RFTN1: variants seen among roughly 807,000 people sequenced by gnomAD.
The protein encoded by RFTN1 is raftlin.
Under a neutral mutation model 46.5 loss-of-function variants are expected in RFTN1, and 26 were observed. The ratio of observed to expected loss-of-function variants is 0.56; its 90% CI spans 0.41 to 0.78. RFTN1 has a LOEUF of 0.78. RFTN1 is among the 30% of genes least tolerant of loss of function. The pLI is 0.00. For synonymous variants in RFTN1, 261 were observed against 284.2 expected, an observed-to-expected ratio of 0.92 and a Z score of 0.82; for missense variants, 693 against 718.7, an observed-to-expected ratio of 0.96 and a Z score of 0.41.
At chr3:16,431,586 C>A (rs1227170858) in intron 3 of RFTN1, among the ~76,000 whole-genome samples, 1 of 152,038 alleles carries the variant, frequency 6.6e-6, no homozygotes, top group African/African-American at 2.4e-5. Context: ...GCAGATCACA[C>A]TGAAGGATGT....
chr3:16,491,233 G>A (rs1406951478), intron 2 of RFTN1, among the ~76,000 whole-genome samples: 1 of 152,098 alleles, frequency 6.6e-6, no homozygotes, highest in African/African-American at 2.4e-5. Flanking sequence ...GGGATCCTGG[G>A]GGAGGACTTC....
chr3:16,328,900 AAAT>A (rs1296657130), intron 7 of RFTN1, among the ~76,000 whole-genome samples: 2 of 152,238 alleles, frequency 1.3e-5, no homozygotes, highest in African/African-American at 4.8e-5. Flanking sequence ...CATGAGAAAA[AAAT>A]ATATATTTTT....
intron 2 of RFTN1, among the ~76,000 whole-genome samples, chr3:16,478,822 C>T (rs182694875): frequency 1.3e-5 from 2 of 152,344 alleles, no homozygotes; most frequent in East Asian, 1.9e-4. Context: ...CAGTTCCTTG[C>T]CACATGGGTC....
chr3:16,469,182 C>T (rs949147103), intron 2 of RFTN1, among the ~76,000 whole-genome samples: 4 of 152,234 alleles, frequency 2.6e-5, no homozygotes, highest in Admixed American at 6.5e-5. Flanking sequence ...ATCCTAGCTG[C>T]GCAACTCCCT....
At chr3:16,396,069 A>G (rs1233014164) in intron 4 of RFTN1, among the ~76,000 whole-genome samples, 1 of 152,190 alleles carries the variant, frequency 6.6e-6, no homozygotes, top group Non-Finnish European at 1.5e-5. Context: ...ATATACATAG[A>G]TGGTTCACTT....
Position 16,321,915 on chromosome 3 carries a change from C to T in RFTN1, c.1332+1461G>A, listed in dbSNP as rs1241093369. Among the ~76,000 whole-genome samples, 1 of 152,206 alleles carries T rather than the reference C, an allele frequency of 6.6e-6. No individual in the cohort carries two copies. The highest frequency in any genetic ancestry group is 2.4e-5 in the African/African-American group (1 of 41,446). ...GTCCCCCTGCATGCGATGCCATGAC[C>T]TTCACACCAACATCCAACCACATGT... On this transcript the variant is annotated intron_variant, in intron 9 of 9. Coordinates refer to ENST00000334133, the MANE Select transcript of RFTN1 (RefSeq NM_015150.2). The surrounding 1 kb of genome is among the most constrained non-coding windows in gnomAD (Gnocchi z 4.8).
chr3:16,317,235 A>G lies in RFTN1; in HGVS notation c.1333-3T>C. The stretch of plus-strand genomic sequence containing the variant: ...TCTCTGGAGAATCGCCACTGAAACT[A>G]GAAATCAGAAAGGATGGGGATAAAT... On this transcript the variant is annotated splice_region_variant and splice_polypyrimidine_tract_variant and intron_variant, in intron 9 of 9. Coordinates refer to ENST00000334133, the MANE Select transcript of RFTN1 (RefSeq NM_015150.2). The surrounding 1 kb of genome is among the most constrained non-coding windows in gnomAD (Gnocchi z 4.3). The G allele has an allele frequency of 3.7e-6, 6 of 1,611,318 alleles. No homozygotes were observed. Among genetic ancestry groups the G allele is most frequent in the Non-Finnish European group, 5.1e-6 (6 of 1,179,936 alleles).
At position 16,468,197 on chromosome 3, in the gene RFTN1, G is replaced by A. The variant is rs992042356; in HGVS notation, c.145+25528C>T. Among the ~76,000 whole-genome samples, 14 of 152,266 alleles carry A rather than the reference G, an allele frequency of 9.2e-5. No individual in the cohort carries two copies. The highest frequency in any genetic ancestry group is 1.9e-4 in the East Asian group (1 of 5,190). ...GCACACTTCACTCTCTAGAAATTCC[G>A]TCGGCTTAATTTATGTGGCTCATTC... is the stretch of plus-strand genomic sequence containing the variant. On this transcript the variant is annotated intron_variant, in intron 2 of 9. Transcript: ENST00000334133. The surrounding 1 kb of genome is among the most constrained non-coding windows in gnomAD (Gnocchi z 4.4).
rs1415203993 is a variant in RFTN1 at position 16,381,609 on chromosome 3, G to T, written c.442-3507C>A. ...AAACCTATTTGGGACCTACTCTGCA[G>T]AAGGCTTTGAAGGATGAATAAGAGT... On this transcript the variant is annotated intron_variant, in intron 4 of 9. Transcript: ENST00000334133. The surrounding 1 kb of genome is among the most constrained non-coding windows in gnomAD (Gnocchi z 4.2). Among the ~76,000 whole-genome samples, 1 of 152,126 alleles carries T rather than the reference G, an allele frequency of 6.6e-6. No homozygotes were observed. Among genetic ancestry groups the T allele is most frequent in the East Asian group, 1.9e-4 (1 of 5,198 alleles).
intron 2 of RFTN1, chr3:16,482,760 T>G: frequency 5.2e-6 from 8 of 1,535,496 alleles, no homozygotes; most frequent in Non-Finnish European, 7.0e-6. Flanking sequence ...AGCATCCAAG[T>G]CCACTGCTCC....
intron 7 of RFTN1, chr3:16,347,839 A>G (rs1289083512): frequency 6.6e-6 from 1 of 152,234 alleles, no homozygotes; most frequent in Non-Finnish European, 1.5e-5. Context: ...TTTTTTACAC[A>G]TGCTCTTAGG....
At chr3:16,347,650 T>A (rs2071821445) in intron 7 of RFTN1, 1 of 152,188 alleles carries the variant, frequency 6.6e-6, no homozygotes, top group Non-Finnish European at 1.5e-5. Flanking sequence ...GTACACCACC[T>A]CCTCTCTGGA....
intron 3 of RFTN1, among the ~76,000 whole-genome samples, chr3:16,414,911 G>A (rs1217708870): frequency 6.6e-6 from 1 of 152,196 alleles, no homozygotes; most frequent in Non-Finnish European, 1.5e-5. Context: ...AGAGCCTCAG[G>A]GGAGATGGAT....
rs1393943055 is a variant in RFTN1 at position 16,382,579 on chromosome 3, C to T, written c.442-4477G>A. Among the ~76,000 whole-genome samples, 1 of 152,156 alleles carries T rather than the reference C, an allele frequency of 6.6e-6. No individual in the cohort carries two copies. The highest frequency in any genetic ancestry group is 1.9e-4 in the East Asian group (1 of 5,198). On this transcript the variant is annotated intron_variant, in intron 4 of 9. Coordinates refer to ENST00000334133, the MANE Select transcript of RFTN1 (RefSeq NM_015150.2). This position sits in a 1 kb window ranked among gnomAD's most constrained non-coding sequence, Gnocchi z 4.7. ...GCTACAAATCAGATGTTCATTATTCCTAAGTGTGAACCCCTAGCCCTGGCT... is the reference window on the plus strand; with the variant it reads ...GCTACAAATCAGATGTTCATTATTCTTAAGTGTGAACCCCTAGCCCTGGCT...
rs2076330518 is a variant in RFTN1, at chr3:16,479,375, GAGTA to G, written c.145+14346_145+14349del. 1.3e-5 allele frequency among the ~76,000 whole-genome samples: 2 copies of G among 152,198 alleles called. No homozygotes were observed. The highest frequency in any genetic ancestry group is 4.1e-4 in the South Asian group (2 of 4,832). On this transcript the variant is annotated intron_variant, in intron 2 of 9. Coordinates refer to ENST00000334133, the MANE Select transcript of RFTN1 (RefSeq NM_015150.2). This position sits in a 1 kb window ranked among gnomAD's most constrained non-coding sequence, Gnocchi z 5.1. ...AATAAGAAACTACTTATAGACATGAGAGTAAGTTTTTGTTTTCATTTACAGTCTC... is the reference window on the plus strand; with the variant it reads ...AATAAGAAACTACTTATAGACATGAGAGTTTTTGTTTTCATTTACAGTCTC...
intron 3 of RFTN1, among the ~76,000 whole-genome samples, chr3:16,411,060 A>G (rs572467389): frequency 4.6e-5 from 7 of 152,308 alleles, no homozygotes; most frequent in Admixed American, 4.6e-4. Context: ...CTCCTTGTCC[A>G]GGGCTCATGT....
rs1411465074 is a variant in RFTN1, at chr3:16,342,055, A to C, written c.1147-15179T>G. ...AACATCTTTATTGATATATAATTGG[A>C]TATCTTAAAATTCACCTATTTAAAG... On this transcript the variant is annotated intron_variant, in intron 7 of 9. Coordinates refer to ENST00000334133, the MANE Select transcript of RFTN1 (RefSeq NM_015150.2). The surrounding 1 kb of genome is among the most constrained non-coding windows in gnomAD (Gnocchi z 4.0). Among the ~76,000 whole-genome samples, 1 of 152,166 alleles carries C rather than the reference A, an allele frequency of 6.6e-6. No homozygotes were observed. The highest frequency in any genetic ancestry group is 1.5e-5 in the Non-Finnish European group (1 of 68,044).
intron 2 of RFTN1, among the ~76,000 whole-genome samples, chr3:16,464,858 G>T (rs1194017685): frequency 1.3e-5 from 2 of 152,226 alleles, no homozygotes; most frequent in African/African-American, 4.8e-5. Flanking sequence ...AAGTTTGCCA[G>T]CCCCTGCTTC....
rs931025877 is a variant in RFTN1, at chr3:16,500,495, T to C, written c.-8-6618A>G. Reference sequence around the variant, plus strand: ...ACAGTGGGGAAATAATCAAAGCATATATGCAGTTCCCTAGCAGAAATTGGT... The same window carrying C: ...ACAGTGGGGAAATAATCAAAGCATACATGCAGTTCCCTAGCAGAAATTGGT... On this transcript the variant is annotated intron_variant, in intron 1 of 9. Transcript: ENST00000334133. This position sits in a 1 kb window ranked among gnomAD's most constrained non-coding sequence, Gnocchi z 5.9. Among the ~76,000 whole-genome samples, 2 of 152,156 alleles carry C rather than the reference T, an allele frequency of 1.3e-5. No individual in the cohort carries two copies. The highest frequency in any genetic ancestry group is 6.5e-5 in the Admixed American group (1 of 15,272).
Sources: gnomAD v4.1 joint callset for allele counts (sites outside exome capture counted in the v4.1 genomes callset) on GRCh38, gnomAD v4.1.1 for gene constraint, Gnocchi (gnomAD v3.1) non-coding constraint, MANE v1.5 for transcripts, NCBI Gene and HGNC (gene_info 2026-07-23, HGNC 2026-07-21) for gene names.